Variants in AKT2 observed in about 807,000 individuals in gnomAD.
AKT2 encodes the protein AKT serine/threonine kinase 2.
In AKT2, 16 loss-of-function variants were observed where a neutral mutation model predicts 58.6. The observed-to-expected ratio is 0.27, with a 90% CI of 0.18 to 0.41. The LOEUF is 0.41. Among genes scored for constraint, AKT2 ranks in the 10% least tolerant of loss-of-function variants. The pLI is 1.00. For synonymous variants in AKT2, 253 were observed against 254.0 expected, an observed-to-expected ratio of 1.00 and a Z score of 0.04; for missense variants, 438 against 661.0, an observed-to-expected ratio of 0.66 and a Z score of 3.70.
chr19:40,255,348 T>C, intron 3 of AKT2, 79 bp from the exon 4 acceptor site: 1 of 1,147,550 alleles, frequency 8.7e-7, no homozygotes, highest in Non-Finnish European at 1.3e-6. Flanking sequence ...CCGAGCCACC[T>C]CCCACAGGCC....
intron 1 of AKT2, 49 bp downstream of exon 1, chr19:40,285,132 C>G: frequency 2.6e-6 from 1 of 391,984 alleles, no homozygotes. Flanking sequence ...GGGGCCCGGA[C>G]GCGACCATCG....
rs1296424733 is a variant in AKT2, at chr19:40,245,176, C to A, written c.288-2489G>T. Among the ~76,000 whole-genome samples, 4 of 152,238 alleles carry A rather than the reference C, an allele frequency of 2.6e-5. No homozygotes were observed. In the East Asian group the frequency reaches 7.7e-4, roughly 29 times the overall value. On this transcript the variant is annotated intron_variant, in intron 4 of 13. Coordinates refer to ENST00000392038, the MANE Select transcript of AKT2 (RefSeq NM_001626.6). Reference sequence around the variant, plus strand: ...GGCATCTGTGCAATGAGACATTCTGCAGCTGGGGGAAAGATTGAGGCAGGT... The same window carrying A: ...GGCATCTGTGCAATGAGACATTCTGAAGCTGGGGGAAAGATTGAGGCAGGT...
Position 40,233,309 on chromosome 19 carries a change from C to A in AKT2, c.*563G>T. The stretch of plus-strand genomic sequence containing the variant: ...ACCAGGGAGCAGCCCTAACCCCCAG[C>A]CCTGCAGCTCCCAAGGGCCCCTGCC... On this transcript the variant is annotated 3_prime_UTR_variant, in exon 14 of 14. Transcript: ENST00000392038. The surrounding 1 kb of genome is among the most constrained non-coding windows in gnomAD (Gnocchi z 4.3). The A allele has an allele frequency of 2.5e-6, 1 of 393,438 alleles. No homozygotes were observed. Among genetic ancestry groups the A allele is most frequent in the Non-Finnish European group, 4.8e-6 (1 of 208,088 alleles). 24.4% of individuals were successfully genotyped at this position (393,438 alleles called of 1,614,324 possible). A position where few individuals can be genotyped will look rare whatever the true frequency, so the allele number is the denominator to read the frequency against.
At chr19:40,279,828 G>A (rs544075661) in intron 1 of AKT2, among the ~76,000 whole-genome samples, 2 of 152,214 alleles carry the variant, frequency 1.3e-5, no homozygotes, top group South Asian at 4.1e-4. Context: ...CTCAGCACAA[G>A]CTACAGAGGC....
chr19:40,242,973 C>A lies in AKT2; in HGVS notation c.288-286G>T. On this transcript the variant is annotated intron_variant, in intron 4 of 13. Transcript: ENST00000392038. The surrounding 1 kb of genome is among the most constrained non-coding windows in gnomAD (Gnocchi z 4.3). Reference sequence around the variant, plus strand: ...ACCAGCCTGGCCAACATGGTGAAACCCCGTCTCTACTAAAAATACAAAAAT... The same window carrying A: ...ACCAGCCTGGCCAACATGGTGAAACACCGTCTCTACTAAAAATACAAAAAT... 2.5e-6 allele frequency: 1 copy of A among 402,838 alleles called. No homozygotes were observed. The highest frequency in any genetic ancestry group is 4.7e-6 in the Non-Finnish European group (1 of 211,004). 25.0% of individuals were successfully genotyped at this position (402,838 alleles called of 1,614,324 possible).
At chr19:40,278,330 G>C (rs984519207) in intron 1 of AKT2, among the ~76,000 whole-genome samples, 1 of 152,154 alleles carries the variant, frequency 6.6e-6, no homozygotes, top group Non-Finnish European at 1.5e-5. Context: ...TCGGGACAGC[G>C]AGCTGCCAGG....
intron 4 of AKT2, among the ~76,000 whole-genome samples, chr19:40,253,307 T>C (rs1396812438): frequency 1.3e-5 from 2 of 151,980 alleles, no homozygotes; most frequent in East Asian, 1.9e-4. Flanking sequence ...CCTTACCCCA[T>C]AGATAAGCTA....
intron 2 of AKT2, among the ~76,000 whole-genome samples, chr19:40,260,447 T>TG (rs1434265823): frequency 6.6e-6 from 1 of 151,816 alleles, no homozygotes; most frequent in Non-Finnish European, 1.5e-5. Context: ...CTGGCCAATA[T>TG]GGTGAAACCC....
chr19:40,239,544 G>C (rs1318610821), intron 7 of AKT2: 1 of 327,274 alleles, frequency 3.1e-6, no homozygotes, highest in East Asian at 8.2e-5. Flanking sequence ...TACCTGGACA[G>C]CAACTGAGAT....
intron 2 of AKT2, among the ~76,000 whole-genome samples, chr19:40,262,055 G>T (rs1037130326): frequency 6.6e-6 from 1 of 151,866 alleles, no homozygotes; most frequent in East Asian, 1.9e-4. Context: ...GGATTGGGGC[G>T]AGTTTATTAT....
Position 40,238,188 on chromosome 19 carries a change from C to T in AKT2, c.709-97G>A. 2 of 1,471,848 alleles carry T rather than the reference C, an allele frequency of 1.4e-6. No individual in the cohort carries two copies. Among genetic ancestry groups the T allele is most frequent in the South Asian group, 1.2e-5 (1 of 81,604 alleles). 91.2% of individuals were successfully genotyped at this position (1,471,848 alleles called of 1,614,324 possible). A position where few individuals can be genotyped will look rare whatever the true frequency, so the allele number is the denominator to read the frequency against. ...CTGCCCCAGCGCAGTGATGTGGTGACACCTGTATCATGAACCAGCAAGTGA... is the reference window on the plus strand; with the variant it reads ...CTGCCCCAGCGCAGTGATGTGGTGATACCTGTATCATGAACCAGCAAGTGA... On this transcript the variant is annotated intron_variant, in intron 8 of 13. Coordinates refer to ENST00000392038, the MANE Select transcript of AKT2 (RefSeq NM_001626.6). This position sits in a 1 kb window ranked among gnomAD's most constrained non-coding sequence, Gnocchi z 5.1.
chr19:40,261,665 A>G (rs1230599344), intron 2 of AKT2, among the ~76,000 whole-genome samples: 1 of 152,182 alleles, frequency 6.6e-6, no homozygotes, highest in African/African-American at 2.4e-5. Flanking sequence ...ACGGTAAGAA[A>G]TAAGTTTCTG....
chr19:40,266,658 A>G (rs1413886940), intron 1 of AKT2, among the ~76,000 whole-genome samples: 1 of 152,110 alleles, frequency 6.6e-6, no homozygotes, highest in South Asian at 2.1e-4. Context: ...GCATCCCCAC[A>G]TCTCGGCCGG....
At chr19:40,279,641 G>A (rs2077387904) in intron 1 of AKT2, 1 of 136,558 alleles carries the variant, frequency 7.3e-6, no homozygotes, top group Non-Finnish European at 1.6e-5. Flanking sequence ...AAGATACCCT[G>A]GAACACACCT....
rs775757041 is a variant in AKT2, at chr19:40,236,263, C to T, written c.954G>A (p.Ala318=). 11 of 1,613,744 alleles carry T rather than the reference C, an allele frequency of 6.8e-6. No individual in the cohort carries two copies. The highest frequency in any genetic ancestry group is 1.7e-5 in the Admixed American group (1 of 60,012). The change falls in exon 10 of 14, where the codon GCG becomes GCA. Residue 318 remains alanine, a synonymous_variant. Transcript: ENST00000392038. The part of the protein sequence containing the change: ...KTFCGTPEYL[A]PEVLEDNDYG... ...CCCCACCAACCCCAGACACCTCAGG[C>T]GCCAGGTACTCCGGGGTCCCACAGA...
At chr19:40,236,780 T>G (rs753550644) in intron 9 of AKT2, 2 of 301,690 alleles carry the variant, frequency 6.6e-6, no homozygotes, top group Admixed American at 9.3e-5. Flanking sequence ...TCCCAGCAAT[T>G]TGGGGGACTT....
In AKT2 at chr19:40,238,545, G is replaced by A. The variant is rs563114896; in HGVS notation, c.708+360C>T. On this transcript the variant is annotated intron_variant, in intron 8 of 13. Transcript: ENST00000392038. This position sits in a 1 kb window ranked among gnomAD's most constrained non-coding sequence, Gnocchi z 5.1. ...CTGAGCGGCTGCGGGAATTCACTTC[G>A]AGAGGACACGGGAACGGAGGGCTGC... Among the ~76,000 whole-genome samples the A allele has an allele frequency of 9.0e-4, 137 of 152,244 alleles. No homozygotes were observed. Among genetic ancestry groups the A allele is most frequent in the South Asian group, 2.3e-3 (11 of 4,818 alleles).
chr19:40,251,200 T>A (rs1037790689), intron 4 of AKT2, among the ~76,000 whole-genome samples: 1 of 152,022 alleles, frequency 6.6e-6, no homozygotes, highest in South Asian at 2.1e-4. Flanking sequence ...CAAGAACTTG[T>A]CTCTAAAAAA....
intron 1 of AKT2, chr19:40,280,740 G>A (rs2077408561): frequency 6.6e-6 from 1 of 152,448 alleles, no homozygotes; most frequent in Admixed American, 6.6e-5. Context: ...CCTCCACCTG[G>A]AGGGCTGTTC....
Sources: gnomAD v4.1 joint callset for allele counts (sites outside exome capture counted in the v4.1 genomes callset) on GRCh38, gnomAD v4.1.1 for gene constraint, Gnocchi (gnomAD v3.1) non-coding constraint, MANE v1.5 for transcripts, NCBI Gene and HGNC (gene_info 2026-07-23, HGNC 2026-07-21) for gene names.